Variants in ZNF804B observed in about 807,000 individuals in gnomAD.
ZNF804B encodes the protein zinc finger protein 804B.
ZNF804B carries 80 observed loss-of-function variants against 101.4 expected under a neutral mutation model. The ratio of observed to expected loss-of-function variants is 0.79; its 90% confidence interval spans 0.66 to 0.95. The LOEUF is 0.95. Among genes scored for constraint, ZNF804B ranks in the 40% least tolerant of loss-of-function variants. The pLI, the probability that ZNF804B is intolerant of heterozygous loss-of-function variation, is 0.00. For missense variants in ZNF804B, 1,673 were observed against 1,561.9 expected, an observed-to-expected ratio of 1.07 and a Z score of -1.20; for synonymous variants, 622 against 558.8, an observed-to-expected ratio of 1.11 and a Z score of -1.59.
chr7:89,027,586 G>A lies in ZNF804B; in HGVS notation c.109-190569G>A, dbSNP rs536296012. Reference sequence around the variant, plus strand: ...TTATGAGAGTTCAGTGGCCAAAATAGAGAATATTCTTATTCATATTCTCTC... The same window carrying A: ...TTATGAGAGTTCAGTGGCCAAAATAAAGAATATTCTTATTCATATTCTCTC... On this transcript the variant is annotated intron_variant, in intron 1 of 3. Coordinates refer to ENST00000333190, the MANE Select transcript of ZNF804B (RefSeq NM_181646.5). Among the ~76,000 whole-genome samples, 172 of 152,162 alleles carry A rather than the reference G, an allele frequency of 1.1e-3. 4 individuals carry two copies. The South Asian group carries it at 0.035, about 31-fold the overall frequency.
rs1005220414 is a variant in ZNF804B at position 89,338,073 on chromosome 7, C to T, written c.*1041C>T. Among the ~76,000 whole-genome samples the T allele has an allele frequency of 8.6e-5, 13 of 151,988 alleles. No individual in the cohort carries two copies. Among genetic ancestry groups the T allele is most frequent in the African/African-American group, 3.1e-4 (13 of 41,400 alleles). On this transcript the variant is annotated 3_prime_UTR_variant, in exon 4 of 4. Transcript: ENST00000333190. ...ATCCATGTAATGTTGCAAATAATTT[C>T]AAACATTCATTCAAAATGGTTTTTG...
intron 2 of ZNF804B, among the ~76,000 whole-genome samples, chr7:89,298,977 T>G (rs1790435393): frequency 6.6e-6 from 1 of 152,006 alleles, no homozygotes; most frequent in Non-Finnish European, 1.5e-5. Flanking sequence ...AAGTGAATTT[T>G]GGACTTAACT....
chr7:89,126,763 C>A (rs754288046), intron 1 of ZNF804B, among the ~76,000 whole-genome samples: 35 of 151,752 alleles, frequency 2.3e-4, no homozygotes, highest in Non-Finnish European at 3.1e-4. Flanking sequence ...TGAAACTAAG[C>A]TATTTCTCTT....
intron 1 of ZNF804B, among the ~76,000 whole-genome samples, chr7:88,886,955 T>C (rs1583998033): frequency 1.3e-5 from 2 of 152,012 alleles, no homozygotes; most frequent in East Asian, 3.9e-4. Context: ...GAAAATGATA[T>C]ACAGTTCTAC....
At chr7:88,994,763 C>A (rs1793896760) in intron 1 of ZNF804B, among the ~76,000 whole-genome samples, 1 of 151,986 alleles carries the variant, frequency 6.6e-6, no homozygotes, top group Non-Finnish European at 1.5e-5. Context: ...TGGAGTTTGC[C>A]TTCTTTTAAT....
At chr7:89,209,782 T>A (rs1788774987) in intron 1 of ZNF804B, among the ~76,000 whole-genome samples, 1 of 152,176 alleles carries the variant, frequency 6.6e-6, no homozygotes, top group African/African-American at 2.4e-5. Flanking sequence ...TTTCAATAAA[T>A]AGTTACTGAG....
chr7:89,019,978 T>G (rs150352952), intron 1 of ZNF804B, among the ~76,000 whole-genome samples: 1 of 152,234 alleles, frequency 6.6e-6, no homozygotes, highest in East Asian at 1.9e-4. Context: ...CACTTACTAC[T>G]GTTTTTTATT....
At chr7:89,220,111 A>G (rs1360460997) in intron 2 of ZNF804B, among the ~76,000 whole-genome samples, 1 of 100,388 alleles carries the variant, frequency 1.0e-5, no homozygotes, top group Non-Finnish European at 2.1e-5. Flanking sequence ...ATATGTGTGT[A>G]TATACATATA....
intron 1 of ZNF804B, among the ~76,000 whole-genome samples, chr7:88,872,672 A>C (rs1199635641): frequency 7.3e-5 from 10 of 136,158 alleles, no homozygotes; most frequent in African/African-American, 1.7e-4. Context: ...TCCTGTGTCC[A>C]TGTGTTCTCA....
chr7:88,927,049 G>C (rs1041282450), intron 1 of ZNF804B, among the ~76,000 whole-genome samples: 2 of 151,898 alleles, frequency 1.3e-5, no homozygotes, highest in African/African-American at 4.8e-5. Context: ...GAAAAGAAGT[G>C]CCCTTCATGG....
chr7:89,194,991 A>G (rs1353259835), intron 1 of ZNF804B, among the ~76,000 whole-genome samples: 1 of 151,912 alleles, frequency 6.6e-6, no homozygotes, highest in Admixed American at 6.6e-5. Flanking sequence ...TATTTCCACC[A>G]TGATCAAGTG....
intron 2 of ZNF804B, among the ~76,000 whole-genome samples, chr7:89,293,143 A>G (rs1790323581): frequency 6.6e-6 from 1 of 151,984 alleles, no homozygotes; most frequent in Non-Finnish European, 1.5e-5. Flanking sequence ...TTTGGAAGTT[A>G]TATATCATTT....
rs185593134 is a variant in ZNF804B at position 89,009,516 on chromosome 7, T to C, written c.109-208639T>C. Among the ~76,000 whole-genome samples, 14 of 152,274 alleles carry C rather than the reference T, an allele frequency of 9.2e-5. No homozygotes were observed. In the East Asian group the frequency reaches 2.7e-3, roughly 29 times the overall value. On this transcript the variant is annotated intron_variant, in intron 1 of 3. Coordinates refer to ENST00000333190, the MANE Select transcript of ZNF804B (RefSeq NM_181646.5). ...TTTAATTGATGTGCAATGGACTGAA[T>C]GTTTATGTGTCCCCTCAAGTTCAAA...
At chr7:89,031,725 T>C (rs552661787) in intron 1 of ZNF804B, among the ~76,000 whole-genome samples, 142 of 152,026 alleles carry the variant, frequency 9.3e-4, no homozygotes, top group Non-Finnish European at 1.6e-3. Flanking sequence ...GTCCCTTTTT[T>C]ACAAACATGT....
chr7:89,031,687 G>A (rs768207820), intron 1 of ZNF804B, among the ~76,000 whole-genome samples: 1 of 149,384 alleles, frequency 6.7e-6, no homozygotes, highest in Non-Finnish European at 1.5e-5. Context: ...CAAATGTACA[G>A]CGAAAGATTT....
chr7:89,008,553 A>G lies in ZNF804B; in HGVS notation c.109-209602A>G, dbSNP rs898643784. Among the ~76,000 whole-genome samples, 17 of 152,148 alleles carry G rather than the reference A, an allele frequency of 1.1e-4. No homozygotes were observed. In the South Asian group the frequency reaches 3.5e-3, roughly 32 times the overall value. ...CTGATGCTTATAACATTCCCCCAAC[A>G]CTGTCCCTCAATCACTCACTGATTC... On this transcript the variant is annotated intron_variant, in intron 1 of 3. Coordinates refer to ENST00000333190, the MANE Select transcript of ZNF804B (RefSeq NM_181646.5).
At chr7:89,136,596 A>G (rs1790637488) in intron 1 of ZNF804B, among the ~76,000 whole-genome samples, 1 of 152,244 alleles carries the variant, frequency 6.6e-6, no homozygotes, top group Non-Finnish European at 1.5e-5. Context: ...GGTGCTTCAC[A>G]TCAGTGGAAT....
intron 1 of ZNF804B, among the ~76,000 whole-genome samples, chr7:88,807,366 T>C (rs1230501755): frequency 1.3e-5 from 2 of 152,182 alleles, no homozygotes; most frequent in Admixed American, 1.3e-4. Context: ...AGAGGAAGAA[T>C]TTTGTATGGG....
In ZNF804B at chr7:89,277,494, CCCCCCTA is replaced by C. The variant is rs1364771317; in HGVS notation, c.250-49844_250-49838del. ...CCCTCCCCCCTCCCCCCTCCCCCCT[CCCCCCTA>C]CCCCCACCCCACAACAGTCCCCAGA... On this transcript the variant is annotated intron_variant, in intron 2 of 3. Transcript: ENST00000333190. Among the ~76,000 whole-genome samples the C allele has an allele frequency of 4.6e-3, 295 of 63,704 alleles. 59 individuals carry two copies. Among genetic ancestry groups the C allele is most frequent in the African/African-American group, 0.016 (256 of 16,132 alleles). 41.8% of individuals were successfully genotyped at this position (63,704 alleles called of 152,430 possible).
Sources: allele counts gnomAD v4.1 joint callset (sites outside exome capture counted in the v4.1 genomes callset), GRCh38; gene constraint gnomAD v4.1.1; transcripts MANE v1.5; gene names NCBI Gene and HGNC (gene_info 2026-07-23, HGNC 2026-07-21).